CSNK1G3: variants seen among roughly 807,000 people sequenced by gnomAD.
CSNK1G3 encodes the protein casein kinase 1 gamma 3, also known as casein kinase I isoform gamma-3.
A neutral mutation model predicts 64.3 loss-of-function variants in CSNK1G3; 23 were observed. The observed-to-expected ratio is 0.36, with a 90% CI of 0.26 to 0.51. The LOEUF is 0.51. CSNK1G3 is among the 20% of genes least tolerant of loss of function. The pLI is 0.96. For missense variants in CSNK1G3, 357 were observed against 510.5 expected (o/e 0.70, Z 2.90); for synonymous variants, 158 against 162.2 (o/e 0.97, Z 0.20).
chr5:123,589,634 C>T (rs1791971018), intron 8 of CSNK1G3, among the ~76,000 whole-genome samples: 1 of 151,912 alleles, frequency 6.6e-6, no homozygotes, highest in Admixed American at 6.6e-5. Context: ...TTTTCTGTGC[C>T]CTGATGGTGA....
chr5:123,546,046 TC>T, intron 2 of CSNK1G3: 1 of 494,556 alleles, frequency 2.0e-6, no homozygotes, highest in Non-Finnish European at 3.6e-6. Flanking sequence ...ACTTTAGCCA[TC>T]CAGAGATTGA....
At chr5:123,613,612 T>A (rs1014109018) in intron 12 of CSNK1G3, among the ~76,000 whole-genome samples, 2 of 152,130 alleles carry the variant, frequency 1.3e-5, no homozygotes, top group East Asian at 3.9e-4. Flanking sequence ...GCTCAAGCAA[T>A]CCTCCTGCCT....
At chr5:123,574,415 T>A (rs1348028902) in intron 5 of CSNK1G3, among the ~76,000 whole-genome samples, 2 of 152,158 alleles carry the variant, frequency 1.3e-5, no homozygotes, top group Non-Finnish European at 2.9e-5. Flanking sequence ...TATGAAAGGA[T>A]GTTTATAATA....
At chr5:123,545,429 A>C in exon 2 of CSNK1G3, 1 of 376,820 alleles carries the variant, frequency 2.7e-6, no homozygotes, top group Admixed American at 4.0e-5. Context: ...CTCTATCAAT[A>C]TCAGCTCACA....
chr5:123,540,145 T>G (rs1181818871), intron 1 of CSNK1G3, among the ~76,000 whole-genome samples: 1 of 152,182 alleles, frequency 6.6e-6, no homozygotes, highest in Non-Finnish European at 1.5e-5. Context: ...GGATAATTTC[T>G]TTGGAAATTA....
intron 1 of CSNK1G3, among the ~76,000 whole-genome samples, chr5:123,521,460 C>T (rs1213339871): frequency 1.3e-5 from 2 of 152,024 alleles, no homozygotes; most frequent in African/African-American, 4.8e-5. Context: ...TGAGTATTTT[C>T]TGATATCTAT....
intron 1 of CSNK1G3, among the ~76,000 whole-genome samples, chr5:123,533,382 A>G (rs1250345048): frequency 6.6e-6 from 1 of 151,904 alleles, no homozygotes; most frequent in African/African-American, 2.4e-5. Flanking sequence ...AAAATCAGTT[A>G]TCTATCGTAC....
intron 4 of CSNK1G3, among the ~76,000 whole-genome samples, chr5:123,560,566 C>A (rs1419509932): frequency 6.6e-6 from 1 of 152,090 alleles, no homozygotes; most frequent in Non-Finnish European, 1.5e-5. Flanking sequence ...GTGGCTCACG[C>A]CTATAATCCC....
intron 1 of CSNK1G3, among the ~76,000 whole-genome samples, chr5:123,525,128 G>C (rs576430159): frequency 4.4e-4 from 67 of 152,186 alleles, no homozygotes; most frequent in African/African-American, 1.6e-3. Context: ...TGTGATGTCA[G>C]ACAGGTTGTC....
intron 9 of CSNK1G3, among the ~76,000 whole-genome samples, chr5:123,590,793 C>A (rs1792194315): frequency 6.6e-6 from 1 of 151,864 alleles, no homozygotes; most frequent in Non-Finnish European, 1.5e-5. Flanking sequence ...ACTTTTCATC[C>A]TGATTTAGTT....
chr5:123,598,374 T>C (rs1454217388), intron 10 of CSNK1G3, among the ~76,000 whole-genome samples: 1 of 152,186 alleles, frequency 6.6e-6, no homozygotes, highest in East Asian at 1.9e-4. Context: ...ATGGTGGCTG[T>C]GTCCATGAAG....
At chr5:123,563,124 A>T (rs1581146363) in intron 4 of CSNK1G3, among the ~76,000 whole-genome samples, 2 of 152,182 alleles carry the variant, frequency 1.3e-5, no homozygotes, top group East Asian at 3.9e-4. Context: ...ATAGGAAAAA[A>T]TAACCTTTTT....
At chr5:123,542,671 G>T (rs1321715382) in intron 1 of CSNK1G3, among the ~76,000 whole-genome samples, 1 of 152,050 alleles carries the variant, frequency 6.6e-6, no homozygotes, top group African/African-American at 2.4e-5. Context: ...AATAATTCTA[G>T]GTTGAAAGTT....
chr5:123,610,490 G>T (rs1009422178), intron 12 of CSNK1G3, among the ~76,000 whole-genome samples: 1 of 152,062 alleles, frequency 6.6e-6, no homozygotes, highest in Admixed American at 6.6e-5. Flanking sequence ...CAGTTTCTGG[G>T]TGGATTTGAG....
intron 4 of CSNK1G3, among the ~76,000 whole-genome samples, chr5:123,558,561 A>T (rs1785068499): frequency 6.6e-6 from 1 of 152,170 alleles, no homozygotes; most frequent in South Asian, 2.1e-4. Flanking sequence ...TGTCCATTTC[A>T]TACTGATATC....
intron 4 of CSNK1G3, among the ~76,000 whole-genome samples, chr5:123,559,174 TTA>T (rs1458249198): frequency 6.6e-6 from 1 of 152,064 alleles, no homozygotes; most frequent in Non-Finnish European, 1.5e-5. Flanking sequence ...TATCCGAACT[TTA>T]GAGACTGAGA....
At chr5:123,516,035 ATC>A (rs1032405149) in intron 1 of CSNK1G3, among the ~76,000 whole-genome samples, 1 of 151,902 alleles carries the variant, frequency 6.6e-6, no homozygotes, top group Non-Finnish European at 1.5e-5. Context: ...GCCACCAATG[ATC>A]TGTTTTTTCT....
At chr5:123,545,750 T>G (rs1206761081) in exon 2 of CSNK1G3, 2 of 1,613,620 alleles carry the variant, frequency 1.2e-6, no homozygotes, top group Admixed American at 3.3e-5. Context: ...CTCGAGGAAC[T>G]GGGTCTTCAT....
chr5:123,595,159 G>T (rs1165246962), intron 10 of CSNK1G3, 25 bp downstream of exon 11: 3 of 1,597,104 alleles, frequency 1.9e-6, no homozygotes, highest in South Asian at 1.1e-5. Context: ...TTGCATGAGT[G>T]ATTATTACCC....
Sources: gnomAD v4.1 joint callset for allele counts (sites outside exome capture counted in the v4.1 genomes callset) on GRCh38, gnomAD v4.1.1 for gene constraint, MANE v1.5 for transcripts, NCBI Gene and HGNC (gene_info 2026-07-23, HGNC 2026-07-21) for gene names.